Variants in ENOX2 observed in about 807,000 individuals in gnomAD.
The protein encoded by ENOX2 is ecto-NOX disulfide-thiol exchanger 2.
A neutral mutation model predicts 45.0 loss-of-function variants in ENOX2; 36 were observed. That is an observed-to-expected ratio of 0.80 (90% CI 0.61 to 1.06). The LOEUF (loss-of-function observed/expected upper bound fraction) is 1.06, where lower values mean the gene tolerates loss of function less well. ENOX2 is among the 50% of genes least tolerant of loss of function. The probability of loss-of-function intolerance (pLI) is 0.00; values close to 1 mark genes in which losing one functional copy is unlikely to be tolerated. For missense variants in ENOX2, 423 were observed against 462.5 expected (o/e 0.91, Z 0.78); for synonymous variants, 174 against 152.3 (o/e 1.14, Z -1.05).
chrX:130,763,369 A>G (rs760280499), intron 3 of ENOX2, among the ~76,000 whole-genome samples: 30 of 111,368 alleles, frequency 2.7e-4, no homozygotes, highest in Non-Finnish European at 5.3e-4. Flanking sequence ...CTCCAATGAC[A>G]CTTTGCAGGA....
chrX:130,688,807 G>A, intron 5 of ENOX2, 56 bp downstream of exon 5: 1 of 941,755 alleles, frequency 1.1e-6, no homozygotes, highest in African/African-American at 2.0e-5. Flanking sequence ...AAAGAAGAAA[G>A]CTTTCTTGTA....
chrX:130,812,296 G>A (rs2077402894), intron 2 of ENOX2, among the ~76,000 whole-genome samples: 1 of 111,876 alleles, frequency 8.9e-6, no homozygotes, highest in South Asian at 3.7e-4. Context: ...GACAAACAGG[G>A]CATCCTGAAA....
At chrX:130,703,096 G>T in intron 4 of ENOX2, 24 bp downstream of exon 4, 1 of 1,194,630 alleles carries the variant, frequency 8.4e-7, no homozygotes, top group Non-Finnish European at 1.1e-6. Context: ...ATAAGCACTT[G>T]CGAGGTGATT....
At chrX:130,885,226 T>A (rs1306529092) in intron 2 of ENOX2, among the ~76,000 whole-genome samples, 1 of 111,800 alleles carries the variant, frequency 8.9e-6, no homozygotes, top group Non-Finnish European at 1.9e-5. Context: ...TCTAGTAGCA[T>A]AAGTCACATT....
intron 3 of ENOX2, among the ~76,000 whole-genome samples, chrX:130,765,999 T>C (rs1212713427): frequency 2.7e-5 from 3 of 111,431 alleles, no homozygotes; most frequent in Non-Finnish European, 5.7e-5. Flanking sequence ...CTCTAAAAGA[T>C]AGTATATATC....
chrX:130,760,001 A>G (rs1004111851), intron 3 of ENOX2, among the ~76,000 whole-genome samples: 5 of 111,733 alleles, frequency 4.5e-5, no homozygotes, highest in African/African-American at 1.6e-4. Flanking sequence ...TGTGATTTTC[A>G]GTATACAGCT....
chrX:130,773,057 T>C (rs1160187420), intron 3 of ENOX2, among the ~76,000 whole-genome samples: 1 of 112,537 alleles, frequency 8.9e-6, no homozygotes, highest in East Asian at 2.8e-4. Flanking sequence ...TGTTAGCATC[T>C]CAAGGCCAGA....
intron 2 of ENOX2, among the ~76,000 whole-genome samples, chrX:130,889,160 C>G (rs2148586298): frequency 8.9e-6 from 1 of 112,053 alleles, no homozygotes; most frequent in East Asian, 2.8e-4. Flanking sequence ...GTGGCCACAC[C>G]TGGGGCACTA....
intron 4 of ENOX2, among the ~76,000 whole-genome samples, chrX:130,701,990 C>T (rs897084829): frequency 3.6e-5 from 4 of 111,426 alleles, no homozygotes; most frequent in African/African-American, 1.3e-4. Context: ...TTCTTATTCA[C>T]ATACCTTTTT....
Position 130,851,461 on chromosome X carries a change from C to CT in ENOX2, c.-183+50222dup, listed in dbSNP as rs746764945. 8.7e-3 allele frequency among the ~76,000 whole-genome samples: 925 copies of CT among 105,783 alleles called. 17 individuals are homozygous for CT. Among genetic ancestry groups the CT allele is most frequent in the African/African-American group, 0.03 (868 of 28,937 alleles). 91.9% of individuals were successfully genotyped at this position (105,783 alleles called of 115,157 possible). ...GGATAAATGGATGTATTTTTTTTTT[C>CT]TTTTTTTTCCTTTTTTTTTTATTAT... is the stretch of plus-strand genomic sequence containing the variant. On this transcript the variant is annotated intron_variant, in intron 2 of 14. Coordinates refer to ENST00000394363, the MANE Select transcript of ENOX2 (RefSeq NM_006375.4).
At chrX:130,896,688 AT>A (rs952523860) in intron 2 of ENOX2, among the ~76,000 whole-genome samples, 1 of 111,595 alleles carries the variant, frequency 9.0e-6, no homozygotes, top group Non-Finnish European at 1.9e-5. Flanking sequence ...AAAACTATAG[AT>A]TTTTTTTCCT....
chrX:130,686,319 T>C (rs555312253), intron 5 of ENOX2, among the ~76,000 whole-genome samples: 2 of 110,716 alleles, frequency 1.8e-5, no homozygotes, highest in South Asian at 8.0e-4. Flanking sequence ...CCGTGAGATA[T>C]GGTTGTTTAA....
At chrX:130,782,620 T>C (rs753701235) in intron 3 of ENOX2, among the ~76,000 whole-genome samples, 8 of 112,064 alleles carry the variant, frequency 7.1e-5, no homozygotes, top group Non-Finnish European at 1.1e-4. Flanking sequence ...TTTGTAAACA[T>C]GTTCCATTTC....
chrX:130,657,382 C>T (rs2036575488), intron 9 of ENOX2, among the ~76,000 whole-genome samples: 1 of 111,736 alleles, frequency 8.9e-6, no homozygotes, highest in African/African-American at 3.3e-5. Context: ...AGAGTTAGCA[C>T]CTCATAAGAT....
chrX:130,628,060 A>G lies in ENOX2; in HGVS notation c.1529-17T>C. 9.0e-7 allele frequency: 1 copy of G among 1,111,675 alleles called. No homozygotes were observed. Among genetic ancestry groups the G allele is most frequent in the East Asian group, 3.0e-5 (1 of 33,466 alleles). The allele number at this position is 1,111,675 out of a possible 1,213,427, so 91.6% of individuals were successfully genotyped here. On this transcript the variant is annotated splice_polypyrimidine_tract_variant and intron_variant, in intron 13 of 14. Transcript: ENST00000394363. ...AGATAATCCCTACAGAGACAAGAGC[A>G]TGGAGGTTATACTTGAGCCTTGTAT...
chrX:130,764,835 A>G (rs1280786451), intron 3 of ENOX2, among the ~76,000 whole-genome samples: 2 of 112,077 alleles, frequency 1.8e-5, no homozygotes. Context: ...TTAACAAAAA[A>G]GTACAATTTA....
At chrX:130,808,836 G>A (rs543744450) in intron 2 of ENOX2, among the ~76,000 whole-genome samples, 4 of 112,207 alleles carry the variant, frequency 3.6e-5, no homozygotes, top group Non-Finnish European at 5.6e-5. Flanking sequence ...GCTATGAAAT[G>A]TATAGATGTT....
intron 2 of ENOX2, among the ~76,000 whole-genome samples, chrX:130,899,465 C>A (rs886494957): frequency 8.9e-6 from 1 of 112,090 alleles, no homozygotes; most frequent in Non-Finnish European, 1.9e-5. Flanking sequence ...AACACAGAGA[C>A]ATCCACAGAC....
At chrX:130,795,940 A>G (rs188426854) in intron 2 of ENOX2, among the ~76,000 whole-genome samples, 33 of 110,842 alleles carry the variant, frequency 3.0e-4, no homozygotes, top group African/African-American at 1.1e-3. Context: ...GAGCCTTATC[A>G]GACGACTTAT....
Sources: allele counts gnomAD v4.1 joint callset (sites outside exome capture counted in the v4.1 genomes callset), GRCh38; gene constraint gnomAD v4.1.1; transcripts MANE v1.5; gene names NCBI Gene and HGNC (gene_info 2026-07-23, HGNC 2026-07-21).